ADAMTS6: variants seen among roughly 807,000 people sequenced by gnomAD.
The protein encoded by ADAMTS6 is A disintegrin and metalloproteinase with thrombospondin motifs 6.
A neutral mutation model predicts 144.3 loss-of-function variants in ADAMTS6; 23 were observed. That is an observed-to-expected ratio of 0.16 (90% confidence interval 0.11 to 0.23). ADAMTS6 has a LOEUF of 0.23. ADAMTS6 is among the 10% of genes least tolerant of loss of function. ADAMTS6 has a pLI of 1.00. For missense variants in ADAMTS6, 999 were observed against 1,379.6 expected (o/e 0.72, Z 4.37); for synonymous variants, 444 against 457.5 (o/e 0.97, Z 0.38).
At chr5:65,248,520 T>A (rs149867423) in intron 14 of ADAMTS6, among the ~76,000 whole-genome samples, 1 of 152,146 alleles carries the variant, frequency 6.6e-6, no homozygotes, top group African/African-American at 2.4e-5. Flanking sequence ...AAAAAACAGG[T>A]CAGGCATAAT....
intron 20 of ADAMTS6, among the ~76,000 whole-genome samples, chr5:65,199,527 T>A (rs1755600965): frequency 6.6e-6 from 1 of 152,186 alleles, no homozygotes; most frequent in Non-Finnish European, 1.5e-5. Flanking sequence ...GTACATAATA[T>A]TTGTTATCAA....
At chr5:65,441,677 C>T (rs528477750) in intron 7 of ADAMTS6, among the ~76,000 whole-genome samples, 53 of 151,986 alleles carry the variant, frequency 3.5e-4, no homozygotes, top group Admixed American at 2.0e-3. Flanking sequence ...TATTCTGGGC[C>T]ATAAAGCAAG....
chr5:65,321,193 C>T (rs78584126), intron 9 of ADAMTS6, among the ~76,000 whole-genome samples: 6 of 152,256 alleles, frequency 3.9e-5, no homozygotes, highest in African/African-American at 1.4e-4. Context: ...CCTTTTTCTC[C>T]ACAACCTCAC....
At chr5:65,381,087 A>G (rs1023290026) in intron 7 of ADAMTS6, among the ~76,000 whole-genome samples, 1 of 152,216 alleles carries the variant, frequency 6.6e-6, no homozygotes, top group Non-Finnish European at 1.5e-5. Context: ...TGCACTTGAG[A>G]TAACTCATGT....
At chr5:65,441,463 A>G (rs763065445) in intron 7 of ADAMTS6, among the ~76,000 whole-genome samples, 3 of 152,174 alleles carry the variant, frequency 2.0e-5, no homozygotes, top group Non-Finnish European at 4.4e-5. Context: ...TAGATCTAAG[A>G]AGCTCACTGA....
At chr5:65,211,599 C>A (rs1032050551) in intron 20 of ADAMTS6, among the ~76,000 whole-genome samples, 1 of 151,788 alleles carries the variant, frequency 6.6e-6, no homozygotes, top group Non-Finnish European at 1.5e-5. Flanking sequence ...GAGACTCTGT[C>A]TCAAAACACA....
At chr5:65,456,582 A>G (rs890875929) in intron 4 of ADAMTS6, among the ~76,000 whole-genome samples, 6 of 152,126 alleles carry the variant, frequency 3.9e-5, no homozygotes, top group Non-Finnish European at 8.8e-5. Flanking sequence ...CTAGAATATA[A>G]ACTCCATGAG....
intron 7 of ADAMTS6, among the ~76,000 whole-genome samples, chr5:65,378,908 G>C (rs1301692450): frequency 6.6e-6 from 1 of 151,896 alleles, no homozygotes; most frequent in Non-Finnish European, 1.5e-5. Flanking sequence ...TGCATACACT[G>C]ATTAACAATA....
intron 2 of ADAMTS6, among the ~76,000 whole-genome samples, chr5:65,473,369 T>C (rs918981838): frequency 3.3e-5 from 5 of 152,018 alleles, no homozygotes; most frequent in South Asian, 2.1e-4. Flanking sequence ...AACTCTAAAA[T>C]CCACGGGATG....
At chr5:65,420,668 C>T (rs1003400239) in intron 7 of ADAMTS6, among the ~76,000 whole-genome samples, 68 of 151,810 alleles carry the variant, frequency 4.5e-4, no homozygotes, top group Non-Finnish European at 9.3e-4. Flanking sequence ...GGCGTGACCA[C>T]TGCGCCCGGC....
chr5:65,451,715 G>A, intron 6 of ADAMTS6, 95 bp from the exon 7 acceptor site: 14 of 1,418,114 alleles, frequency 9.9e-6, no homozygotes, highest in Admixed American at 8.6e-5. Flanking sequence ...ATAATTAGAA[G>A]CAGTGTTTCT....
intron 21 of ADAMTS6, among the ~76,000 whole-genome samples, chr5:65,195,382 T>A (rs978196848): frequency 6.6e-6 from 1 of 152,208 alleles, no homozygotes. Context: ...GGTGATAACA[T>A]TTTGAAAAGA....
intron 22 of ADAMTS6, among the ~76,000 whole-genome samples, chr5:65,175,700 C>A (rs1178094464): frequency 6.6e-6 from 1 of 150,596 alleles, no homozygotes; most frequent in Non-Finnish European, 1.5e-5. Context: ...CAGAAGTATC[C>A]TAAGGAAAAA....
intron 7 of ADAMTS6, among the ~76,000 whole-genome samples, chr5:65,340,022 G>A (rs915175642): frequency 6.6e-6 from 1 of 152,080 alleles, no homozygotes; most frequent in African/African-American, 2.4e-5. Context: ...AGTCCAGAAA[G>A]CTCGAATAAC....
chr5:65,233,609 C>T (rs947384078), intron 15 of ADAMTS6, among the ~76,000 whole-genome samples: 5 of 151,398 alleles, frequency 3.3e-5, no homozygotes, highest in African/African-American at 1.2e-4. Flanking sequence ...TTAGGTATAA[C>T]ACTGATGAAA....
intron 12 of ADAMTS6, among the ~76,000 whole-genome samples, chr5:65,271,355 G>C (rs1235809512): frequency 6.9e-6 from 1 of 145,364 alleles, no homozygotes; most frequent in East Asian, 2.0e-4. Flanking sequence ...CTCCAGCCTG[G>C]TGACAGAGCT....
At chr5:65,227,504 TGCTA>T (rs1323576014) in intron 15 of ADAMTS6, among the ~76,000 whole-genome samples, 18 of 152,200 alleles carry the variant, frequency 1.2e-4, no homozygotes, top group African/African-American at 4.3e-4. Flanking sequence ...CTAATTATGC[TGCTA>T]AAACTTCTAT....
chr5:65,277,386 A>G (rs1762624639), intron 11 of ADAMTS6, among the ~76,000 whole-genome samples: 1 of 152,192 alleles, frequency 6.6e-6, no homozygotes. Flanking sequence ...TCTATGATAA[A>G]GTTTTTAATG....
chr5:65,225,133 C>T, intron 16 of ADAMTS6, 86 bp from the exon 17 acceptor site: 3 of 1,344,346 alleles, frequency 2.2e-6, no homozygotes, highest in Admixed American at 2.7e-5. Context: ...TATTTATTTG[C>T]TTGTTTTTCC....
Sources: gnomAD v4.1 joint callset for allele counts (sites outside exome capture counted in the v4.1 genomes callset) on GRCh38, gnomAD v4.1.1 for gene constraint, MANE v1.5 for transcripts, NCBI Gene and HGNC (gene_info 2026-07-23, HGNC 2026-07-21) for gene names.